MRPL39: variants seen among roughly 807,000 people sequenced by gnomAD.
MRPL39 encodes mitochondrial ribosomal protein L39.
Under a neutral mutation model 44.5 loss-of-function variants are expected in MRPL39, and 35 were observed. That is an observed-to-expected ratio of 0.79 (90% CI 0.60 to 1.04). MRPL39 has a LOEUF of 1.04. Among genes scored for constraint, MRPL39 ranks in the 50% least tolerant of loss-of-function variants. The pLI, the probability that MRPL39 is intolerant of heterozygous loss-of-function variation, is 0.00. For missense variants in MRPL39, 433 were observed against 413.5 expected (o/e 1.05, Z -0.41); for synonymous variants, 139 against 136.1 (o/e 1.02, Z -0.15).
chr21:25,595,921 T>C (rs2031341662), intron 6 of MRPL39, among the ~76,000 whole-genome samples: 1 of 152,138 alleles, frequency 6.6e-6, no homozygotes, highest in Non-Finnish European at 1.5e-5. Context: ...CTATAAATGG[T>C]GGTTTGGTTC....
chr21:25,605,082 T>C (rs1051602079), intron 2 of MRPL39, among the ~76,000 whole-genome samples: 2 of 152,096 alleles, frequency 1.3e-5, no homozygotes, highest in African/African-American at 2.4e-5. Flanking sequence ...AATGCCAGAG[T>C]GAAGGAAGAT....
At chr21:25,601,047 G>A (rs4817033) in intron 4 of MRPL39, among the ~76,000 whole-genome samples, 106,663 of 151,984 alleles carry the variant, frequency 0.7, 38,881 homozygotes, top group Non-Finnish European at 0.82. Flanking sequence ...GGCGGAGCTT[G>A]CAGTGAGCCA....
chr21:25,605,590 T>C (rs933339123), intron 2 of MRPL39, among the ~76,000 whole-genome samples: 1 of 152,138 alleles, frequency 6.6e-6, no homozygotes, highest in African/African-American at 2.4e-5. Flanking sequence ...AAATCCTTTC[T>C]TGAGACCTGC....
chr21:25,602,987 G>A (rs2031564603), intron 3 of MRPL39, among the ~76,000 whole-genome samples: 2 of 152,078 alleles, frequency 1.3e-5, no homozygotes, highest in African/African-American at 2.4e-5. Context: ...GTTCTCATGA[G>A]ATCTAATGGT....
At chr21:25,587,585 G>T in intron 9 of MRPL39, 1 of 868,644 alleles carries the variant, frequency 1.2e-6, no homozygotes, top group Non-Finnish European at 1.8e-6. Context: ...AACAAATCCT[G>T]AAAGGCTTAA....
At chr21:25,590,209 T>TG (rs1310074768) in intron 8 of MRPL39, among the ~76,000 whole-genome samples, 1 of 151,992 alleles carries the variant, frequency 6.6e-6, no homozygotes, top group East Asian at 1.9e-4. Flanking sequence ...TGAAAGGACT[T>TG]GCGGATGGAT....
chr21:25,590,078 G>C (rs575323203), intron 8 of MRPL39, among the ~76,000 whole-genome samples: 1 of 152,352 alleles, frequency 6.6e-6, no homozygotes, highest in South Asian at 2.1e-4. Context: ...ATGCACTGTA[G>C]ATGGCAAGAG....
At chr21:25,596,448 A>C (rs1408517067) in intron 6 of MRPL39, among the ~76,000 whole-genome samples, 1 of 152,252 alleles carries the variant, frequency 6.6e-6, no homozygotes, top group Non-Finnish European at 1.5e-5. Context: ...AACACAGTAC[A>C]TGGTTTCACA....
intron 5 of MRPL39, among the ~76,000 whole-genome samples, chr21:25,598,256 G>A (rs1303835424): frequency 2.8e-5 from 2 of 71,586 alleles, no homozygotes; most frequent in African/African-American, 6.8e-5. Flanking sequence ...ACTCCATGGA[G>A]TCTGCAATCA....
At chr21:25,597,273 G>C (rs1163597171) in intron 6 of MRPL39, 29 bp downstream of exon 6, 2 of 1,390,782 alleles carry the variant, frequency 1.4e-6, no homozygotes, top group East Asian at 2.3e-5. Flanking sequence ...GGGAGAGTTA[G>C]CCTTGATTTA....
At chr21:25,603,483 AT>A (rs1440851460) in intron 3 of MRPL39, among the ~76,000 whole-genome samples, 5 of 152,184 alleles carry the variant, frequency 3.3e-5, no homozygotes, top group African/African-American at 1.2e-4. Flanking sequence ...TCTAGATAAG[AT>A]GGTCAAAGGC....
At chr21:25,604,733 T>C (rs919066511) in intron 2 of MRPL39, among the ~76,000 whole-genome samples, 8 of 152,236 alleles carry the variant, frequency 5.3e-5, no homozygotes, top group Admixed American at 3.9e-4. Flanking sequence ...CTACAAGGTC[T>C]AAATTATCAA....
At chr21:25,607,545 G>A (rs2031732429), upstream of MRPL39, 2 of 1,518,656 alleles carry the variant, frequency 1.3e-6, no homozygotes, top group Non-Finnish European at 1.8e-6. Flanking sequence ...ACGCGCACTC[G>A]GAGTTCCGCA....
chr21:25,606,523 T>C lies in MRPL39; in HGVS notation c.206A>G (p.His69Arg), dbSNP rs115482384. 1 of 1,614,166 alleles carries C rather than the reference T, an allele frequency of 6.2e-7. No homozygotes were observed. Among genetic ancestry groups the C allele is most frequent in the South Asian group, 1.1e-5 (1 of 91,066 alleles). Residue 69 changes from histidine (H) to arginine (R), a missense_variant, in exon 2 of 10, where the codon CAT (histidine) becomes CGT (arginine). By Grantham distance (29) the His-to-Arg change is conservative (BLOSUM62 0). Transcript: ENST00000352957. ...TPRTEKIEVK[H>R]VGKTDPGTVF... ...AGTACCGGGGTCAGTTTTCCCAACA[T>C]GCTTAACTTCTATCTTCTCAGTTCG...
At chr21:25,603,028 C>G (rs2031565542) in intron 3 of MRPL39, among the ~76,000 whole-genome samples, 1 of 152,224 alleles carries the variant, frequency 6.6e-6, no homozygotes, top group Non-Finnish European at 1.5e-5. Flanking sequence ...TTCCCTCACT[C>G]TCTCTCTTGC....
intron 6 of MRPL39, among the ~76,000 whole-genome samples, chr21:25,594,756 C>G (rs879399227): frequency 9.9e-5 from 15 of 152,228 alleles, no homozygotes; most frequent in Middle Eastern, 3.4e-3. Context: ...CCTCTTCTGA[C>G]CACCAAACTG....
chr21:25,596,717 C>A, intron 6 of MRPL39, among the ~76,000 whole-genome samples: 1 of 151,280 alleles, frequency 6.6e-6, no homozygotes, highest in Admixed American at 6.6e-5. Flanking sequence ...CTAGTTAGTT[C>A]TAATATTGTA....
intron 3 of MRPL39, among the ~76,000 whole-genome samples, chr21:25,603,075 G>A (rs2031566643): frequency 6.6e-6 from 1 of 152,126 alleles, no homozygotes; most frequent in Non-Finnish European, 1.5e-5. Context: ...CTTCTACTAT[G>A]ATTGTTAAGT....
rs1555852106 is a variant in MRPL39, at chr21:25,594,242, C to CTTTTTACTTTTTTTTTTTTT, written c.702-285_702-284insAAAAAAAAAAAAAGTAAAAA. ...GTGTTCTTTCTTTCCATTTTTATTTCTTTGTTCTTTTTTTTTTTTTTTTTT... is the reference window on the plus strand; with the variant it reads ...GTGTTCTTTCTTTCCATTTTTATTTCTTTTTACTTTTTTTTTTTTTTTTGTTCTTTTTTTTTTTTTTTTTT... On this transcript the variant is annotated intron_variant, in intron 6 of 9. Transcript: ENST00000352957. Among the ~76,000 whole-genome samples, 4 of 39,498 alleles carry CTTTTTACTTTTTTTTTTTTT rather than the reference C, an allele frequency of 1.0e-4. 2 individuals are homozygous for CTTTTTACTTTTTTTTTTTTT. Among genetic ancestry groups the CTTTTTACTTTTTTTTTTTTT allele is most frequent in the Non-Finnish European group, 1.2e-4 (2 of 17,232 alleles). The allele number at this position is 39,498 out of a possible 152,430, so 25.9% of individuals were successfully genotyped here.
Sources: gnomAD v4.1 joint callset for allele counts (sites outside exome capture counted in the v4.1 genomes callset) on GRCh38, gnomAD v4.1.1 for gene constraint, MANE v1.5 for transcripts, NCBI Gene and HGNC (gene_info 2026-07-23, HGNC 2026-07-21) for gene names.